The following LPA variants were observed in gnomAD, a reference collection of about 807,000 sequenced individuals.
The protein encoded by LPA is apolipoprotein(a).
LPA carries 199 observed loss-of-function variants against 197.9 expected under a neutral mutation model. The ratio of observed to expected loss-of-function variants is 1.01; its 90% CI spans 0.90 to 1.13. The LOEUF is 1.13. LPA is among the 50% of genes most tolerant of loss of function. The pLI, the probability that LPA is intolerant of heterozygous loss-of-function variation, is 0.00. For missense variants in LPA, 1,853 were observed against 1,785.8 expected, an observed-to-expected ratio of 1.04 and a Z score of -0.68; for synonymous variants, 715 against 639.5, an observed-to-expected ratio of 1.12 and a Z score of -1.78.
At chr6:160,579,467 G>C (rs1042861755) in intron 26 of LPA, among the ~76,000 whole-genome samples, 2 of 152,162 alleles carry the variant, frequency 1.3e-5, no homozygotes, top group African/African-American at 4.8e-5. Flanking sequence ...GAAGGAATGG[G>C]TGATGAGTTG....
rs766017443 is a variant in LPA at position 160,531,907 on chromosome 6, G to A, written c.5962-17C>T. ...ACTGTCACCCTAAACAGAGGTAGGG[G>A]AAAATTCATGTGAGCTTTAAGCTGC... On this transcript the variant is annotated splice_polypyrimidine_tract_variant and intron_variant, in intron 38 of 38. Coordinates refer to ENST00000316300, the MANE Select transcript of LPA (RefSeq NM_005577.4). 1.9e-6 allele frequency: 3 copies of A among 1,613,854 alleles called. No homozygotes were observed. The highest frequency in any genetic ancestry group is 3.3e-5 in the Admixed American group (2 of 59,958).
intron 18 of LPA, among the ~76,000 whole-genome samples, chr6:160,601,812 C>G (rs917720608): frequency 7.9e-5 from 12 of 152,182 alleles, no homozygotes; most frequent in Non-Finnish European, 1.6e-4. Context: ...AGGACTTCCT[C>G]TCCTGCTCTC....
chr6:160,554,407 G>A lies in LPA; in HGVS notation c.4973+1618C>T, dbSNP rs866954350. ...GTTATTTACCTCCAGTGATGGTTGA[G>A]TTTTCTTCTGTCAGGCAGTTAATTT... On this transcript the variant is annotated intron_variant, in intron 30 of 38. Transcript: ENST00000316300. 6.0e-4 allele frequency among the ~76,000 whole-genome samples: 92 copies of A among 152,248 alleles called. 2 individuals are homozygous for A. Among genetic ancestry groups the A allele is most frequent in the Middle Eastern group, 3.4e-3 (1 of 294 alleles).
intron 1 of LPA, among the ~76,000 whole-genome samples, chr6:160,656,032 G>A (rs1441335275): frequency 1.3e-5 from 2 of 152,232 alleles, no homozygotes; most frequent in African/African-American, 4.8e-5. Flanking sequence ...ACCAGGAGAT[G>A]TGTTAATTTG....
intron 36 of LPA, among the ~76,000 whole-genome samples, chr6:160,538,709 C>T (rs989154958): frequency 6.6e-6 from 1 of 152,186 alleles, no homozygotes; most frequent in African/African-American, 2.4e-5. Context: ...TGCTTCTGGA[C>T]ACTAGAAGGC....
intron 20 of LPA, among the ~76,000 whole-genome samples, chr6:160,596,719 C>G (rs1779140318): frequency 6.6e-6 from 1 of 152,190 alleles, no homozygotes; most frequent in South Asian, 2.1e-4. Context: ...TGGACTGTCT[C>G]TGAAGGTACT....
intron 1 of LPA, among the ~76,000 whole-genome samples, chr6:160,654,084 TATATATTATATATAATATA>T (rs1780086022): frequency 2.3e-5 from 1 of 44,250 alleles, no homozygotes; most frequent in African/African-American, 1.1e-4. Flanking sequence ...ATATATATTA[TATATATTATATATAATATA>T]ATATATTATA....
chr6:160,555,837 A>T (rs1182708831), intron 30 of LPA, among the ~76,000 whole-genome samples, 188 bp downstream of exon 30: 1 of 152,150 alleles, frequency 6.6e-6, no homozygotes, highest in Admixed American at 6.5e-5. Flanking sequence ...AGACTATTAG[A>T]AAAGATAGCA....
intron 28 of LPA, among the ~76,000 whole-genome samples, chr6:160,576,670 T>TTGTG (rs369546569): frequency 3.5e-4 from 36 of 104,236 alleles, no homozygotes; most frequent in South Asian, 1.9e-3. Context: ...ATTCAGATGT[T>TTGTG]TGTGTGTGTG....
At chr6:160,654,203 G>A (rs1780090499) in intron 1 of LPA, among the ~76,000 whole-genome samples, 1 of 140,236 alleles carries the variant, frequency 7.1e-6, no homozygotes, top group Non-Finnish European at 1.5e-5. Context: ...GAGCAAGAAA[G>A]CCAGTCCAAC....
At chr6:160,626,601 CTTTAA>C (rs1779658434) in intron 10 of LPA, among the ~76,000 whole-genome samples, 2 of 122,496 alleles carry the variant, frequency 1.6e-5, no homozygotes, top group East Asian at 2.2e-4. Flanking sequence ...TATACTAGCT[CTTTAA>C]TTTAATTTGG....
rs751881662 is a variant in LPA, at chr6:160,594,100, G to C, written c.3487C>G (p.Pro1163Ala). 1.9e-6 allele frequency: 3 copies of C among 1,613,842 alleles called. No individual in the cohort carries two copies. In the South Asian group the frequency reaches 3.3e-5, roughly 18 times the overall value. ...CCATGGTAGCAATCCTGGACCCCGG[G>C]GCTTTGCTCCGTTGGTGCTGAAATT... ...SSEEAPTEQS[P>A]GVQDCYHGDG... Residue 1163 changes from proline (P) to alanine (A), a missense_variant, in exon 22 of 39, where the codon CCC becomes GCC. Physicochemically the swap from Pro to Ala is conservative, Grantham distance 27. Transcript: ENST00000316300.
intron 20 of LPA, among the ~76,000 whole-genome samples, chr6:160,598,096 AG>A (rs1269544839): frequency 6.6e-6 from 1 of 152,196 alleles, no homozygotes; most frequent in Admixed American, 6.5e-5. Flanking sequence ...ATTTTCAATG[AG>A]GTCTCTTCTC....
chr6:160,610,788 T>C (rs756498854), intron 16 of LPA, among the ~76,000 whole-genome samples: 19 of 152,130 alleles, frequency 1.2e-4, no homozygotes, highest in Non-Finnish European at 2.2e-4. Flanking sequence ...AGGAAGGGTA[T>C]CCAGGAAGAA....
intron 18 of LPA, among the ~76,000 whole-genome samples, chr6:160,601,991 C>T (rs546199717): frequency 6.6e-6 from 1 of 152,210 alleles, no homozygotes; most frequent in African/African-American, 2.4e-5. Flanking sequence ...AGAGCATTCA[C>T]TCCTCCTTAT....
chr6:160,541,225 T>G (rs1777977089), intron 34 of LPA, 44 bp from the exon 35 acceptor site: 6 of 1,342,986 alleles, frequency 4.5e-6, no homozygotes, highest in Non-Finnish European at 6.4e-6. Flanking sequence ...TTGGATGGTT[T>G]GTTCTACTTC....
chr6:160,652,605 T>A (rs956280672), intron 1 of LPA, among the ~76,000 whole-genome samples: 3 of 152,062 alleles, frequency 2.0e-5, no homozygotes, highest in Non-Finnish European at 4.4e-5. Context: ...CTGTAAAAGA[T>A]AAGGAGCACC....
At chr6:160,545,616 C>A (rs1778056687) in intron 32 of LPA, 83 bp from the exon 33 acceptor site, 1 of 833,710 alleles carries the variant, frequency 1.2e-6, no homozygotes, top group Non-Finnish European at 2.1e-6. Flanking sequence ...CATTTCACAT[C>A]TATTCTTAGA....
chr6:160,589,856 A>C, intron 23 of LPA, 144 bp from the exon 24 acceptor site: 1 of 918,488 alleles, frequency 1.1e-6, no homozygotes. Context: ...TGGACATGCC[A>C]ATAACAAAGC....
Sources: gnomAD v4.1 joint callset for allele counts (sites outside exome capture counted in the v4.1 genomes callset) on GRCh38, gnomAD v4.1.1 for gene constraint, MANE v1.5 for transcripts, NCBI Gene and HGNC (gene_info 2026-07-23, HGNC 2026-07-21) for gene names.